Variants in MANBA observed in about 807,000 individuals in gnomAD.
The protein encoded by MANBA is beta-mannosidase.
A neutral mutation model predicts 111.1 loss-of-function variants in MANBA; 83 were observed. That is an observed-to-expected ratio of 0.75 (90% CI 0.63 to 0.90). The LOEUF is 0.90. Among genes scored for constraint, MANBA ranks in the 40% least tolerant of loss-of-function variants. The probability of loss-of-function intolerance (pLI) is 0.00; values close to 1 mark genes in which losing one functional copy is unlikely to be tolerated. For missense variants in MANBA, 1,036 were observed against 1,069.0 expected, an observed-to-expected ratio of 0.97 and a Z score of 0.43; for synonymous variants, 370 against 378.7, an observed-to-expected ratio of 0.98 and a Z score of 0.27.
intron 1 of MANBA, chr4:102,734,224 C>T (rs1578948976): frequency 5.2e-6 from 4 of 774,814 alleles, no homozygotes; most frequent in Non-Finnish European, 8.0e-6. Context: ...ATGTGAGAAC[C>T]CTCTGTACTT....
chr4:102,760,867 C>A lies in MANBA; in HGVS notation c.28G>T (p.Ala10Ser). The A allele has an allele frequency of 6.4e-7, 1 of 1,571,936 alleles. No individual in the cohort carries two copies. The highest frequency in any genetic ancestry group is 8.6e-7 in the Non-Finnish European group (1 of 1,160,512). Reference protein sequence around the residue: MRLHLLLLLALCGAGTTAAE... With the variant: MRLHLLLLLSLCGAGTTAAE... ...GCGGTGGTGCCTGCACCGCACAGCG[C>A]GAGCAGCAGGAGCAGGTGGAGGCGC... The change falls in exon 1 of 17, where the codon GCG becomes TCG. Residue 10 changes from alanine (A) to serine (S), a missense_variant. Transcript: ENST00000647097.
intron 1 of MANBA, chr4:102,751,483 C>A (rs1723789811): frequency 7.6e-6 from 4 of 528,578 alleles, no homozygotes; most frequent in Non-Finnish European, 1.5e-5. Context: ...CCTGCCGCCT[C>A]TGAATTTGCT....
chr4:102,658,488 C>A (rs1039402103), intron 11 of MANBA, among the ~76,000 whole-genome samples: 6 of 152,180 alleles, frequency 3.9e-5, no homozygotes, highest in Admixed American at 3.9e-4. Flanking sequence ...AAATCTGAAC[C>A]TTATTATTTG....
intron 2 of MANBA, among the ~76,000 whole-genome samples, chr4:102,725,165 G>C (rs866250455): frequency 6.6e-6 from 1 of 152,136 alleles, no homozygotes; most frequent in Non-Finnish European, 1.5e-5. Context: ...TTCTAAAATT[G>C]ATTGTGGTGA....
chr4:102,656,483 G>A (rs1010994368), intron 12 of MANBA, among the ~76,000 whole-genome samples: 3 of 152,164 alleles, frequency 2.0e-5, no homozygotes, highest in African/African-American at 7.2e-5. Context: ...TGGTAGAAAT[G>A]CAAAATGGTG....
chr4:102,749,152 AG>A (rs1483201000), intron 1 of MANBA, among the ~76,000 whole-genome samples: 1 of 152,240 alleles, frequency 6.6e-6, no homozygotes, highest in Non-Finnish European at 1.5e-5. Flanking sequence ...TAGTTTCCTG[AG>A]AAAATACTTA....
At chr4:102,691,710 G>T (rs1732485350) in intron 5 of MANBA, among the ~76,000 whole-genome samples, 1 of 151,826 alleles carries the variant, frequency 6.6e-6, no homozygotes, top group Admixed American at 6.6e-5. Flanking sequence ...GTCTCACTTT[G>T]TTGTCCAGGT....
intron 16 of MANBA, 39 bp downstream of exon 16, chr4:102,634,749 G>C: frequency 2.5e-6 from 4 of 1,612,102 alleles, no homozygotes; most frequent in Non-Finnish European, 3.4e-6. Flanking sequence ...AACCCCACAA[G>C]GCCACAGTCC....
chr4:102,709,571 C>T (rs537201294), intron 5 of MANBA, among the ~76,000 whole-genome samples: 7 of 152,116 alleles, frequency 4.6e-5, no homozygotes, highest in South Asian at 4.2e-4. Context: ...AAAGTTACAA[C>T]GAAGAACTAA....
At chr4:102,636,598 C>T (rs1729645055) in intron 14 of MANBA, among the ~76,000 whole-genome samples, 1 of 152,186 alleles carries the variant, frequency 6.6e-6, no homozygotes, top group Non-Finnish European at 1.5e-5. Flanking sequence ...TCCCCTACTG[C>T]ACGCACTAGA....
chr4:102,652,122 T>C (rs1730361034), intron 12 of MANBA, among the ~76,000 whole-genome samples: 1 of 152,196 alleles, frequency 6.6e-6, no homozygotes, highest in Non-Finnish European at 1.5e-5. Context: ...TTATCTCTTC[T>C]AGCTATTTGA....
At chr4:102,696,054 C>T (rs1267222383) in intron 5 of MANBA, among the ~76,000 whole-genome samples, 1 of 151,918 alleles carries the variant, frequency 6.6e-6, no homozygotes, top group Non-Finnish European at 1.5e-5. Context: ...ATAATGAGAC[C>T]CCATCTCTAA....
At chr4:102,636,641 G>T (rs1318305115) in intron 14 of MANBA, among the ~76,000 whole-genome samples, 1 of 152,164 alleles carries the variant, frequency 6.6e-6, no homozygotes, top group Non-Finnish European at 1.5e-5. Flanking sequence ...TCAACATGGG[G>T]CTGTGAGGCC....
chr4:102,673,032 C>T lies in MANBA; in HGVS notation c.1112+887G>A, dbSNP rs1269669563. 4.6e-5 allele frequency among the ~76,000 whole-genome samples: 7 copies of T among 152,208 alleles called. No individual in the cohort carries two copies. In the South Asian group the frequency reaches 1.5e-3, roughly 32 times the overall value. ...TAGCACAATTTTTTTAACCTATATT[C>T]CTAGTGCACATCAGATCTCTGGACT... On this transcript the variant is annotated intron_variant, in intron 8 of 16. Coordinates refer to ENST00000647097, the MANE Select transcript of MANBA (RefSeq NM_005908.4).
chr4:102,723,159 C>A (rs1430112513), intron 3 of MANBA, 118 bp from the exon 4 acceptor site: 11 of 919,402 alleles, frequency 1.2e-5, no homozygotes, highest in South Asian at 1.1e-4. Flanking sequence ...CTAGGTTTAG[C>A]CTCCTTGCAG....
At chr4:102,663,638 G>C (rs1323780059) in intron 11 of MANBA, among the ~76,000 whole-genome samples, 1 of 152,036 alleles carries the variant, frequency 6.6e-6, no homozygotes, top group Non-Finnish European at 1.5e-5. Flanking sequence ...GCCATAAACT[G>C]GGCATGTTTA....
At chr4:102,689,552 A>G (rs763246469) in intron 7 of MANBA, 22 bp downstream of exon 7, 3 of 1,393,378 alleles carry the variant, frequency 2.2e-6, no homozygotes, top group Non-Finnish European at 1.0e-6. Context: ...ATTTCACAAA[A>G]TATTTTAAAT....
intron 1 of MANBA, among the ~76,000 whole-genome samples, chr4:102,748,216 C>T (rs749198361): frequency 6.6e-6 from 1 of 152,186 alleles, no homozygotes; most frequent in South Asian, 2.1e-4. Context: ...TCTCTGTACA[C>T]CTGTTTTCTC....
At chr4:102,682,146 C>CAAA (rs1244673574) in intron 7 of MANBA, among the ~76,000 whole-genome samples, 5 of 62,288 alleles carry the variant, frequency 8.0e-5, no homozygotes, top group African/African-American at 1.6e-4. Flanking sequence ...AACTCTGTCT[C>CAAA]AAAAAAAAAA....
Sources: allele counts gnomAD v4.1 joint callset (sites outside exome capture counted in the v4.1 genomes callset), GRCh38; gene constraint gnomAD v4.1.1; transcripts MANE v1.5; gene names NCBI Gene and HGNC (gene_info 2026-07-23, HGNC 2026-07-21).